The following PPP3CA variants were observed in gnomAD, a reference collection of about 807,000 sequenced individuals.
PPP3CA encodes the protein protein phosphatase 3 catalytic subunit alpha.
A neutral mutation model predicts 66.5 loss-of-function variants in PPP3CA; 14 were observed. The ratio of observed to expected loss-of-function variants is 0.21; its 90% CI spans 0.14 to 0.33. The LOEUF (loss-of-function observed/expected upper bound fraction) is 0.33. Among genes scored for constraint, PPP3CA ranks in the 10% least tolerant of loss-of-function variants. The pLI, the probability that PPP3CA is intolerant of heterozygous loss-of-function variation, is 1.00. For missense variants in PPP3CA, 317 were observed against 639.5 expected (o/e 0.50, Z 5.44); for synonymous variants, 232 against 226.2 (o/e 1.03, Z -0.23).
At chr4:101,263,254 A>G (rs1727062114) in intron 1 of PPP3CA, among the ~76,000 whole-genome samples, 1 of 152,202 alleles carries the variant, frequency 6.6e-6, no homozygotes, top group African/African-American at 2.4e-5. Flanking sequence ...TGACTAGTCC[A>G]GTGACCCTTT....
intron 2 of PPP3CA, among the ~76,000 whole-genome samples, chr4:101,163,774 A>G (rs566056303): frequency 7.9e-5 from 12 of 152,042 alleles, no homozygotes; most frequent in Admixed American, 2.0e-4. Flanking sequence ...AAATAAGTAA[A>G]GCCAATTTTA....
chr4:101,026,760 G>C (rs2110201040), intron 13 of PPP3CA, among the ~76,000 whole-genome samples: 1 of 152,238 alleles, frequency 6.6e-6, no homozygotes, highest in South Asian at 2.1e-4. Flanking sequence ...AAGGTCACTA[G>C]GTAGAAATGT....
At chr4:101,275,488 T>G (rs918227886) in intron 1 of PPP3CA, among the ~76,000 whole-genome samples, 1 of 152,176 alleles carries the variant, frequency 6.6e-6, no homozygotes, top group Non-Finnish European at 1.5e-5. Flanking sequence ...GCATAAAAGA[T>G]ATAAGGCTAG....
intron 9 of PPP3CA, among the ~76,000 whole-genome samples, chr4:101,062,238 A>G (rs1403476438): frequency 6.6e-6 from 1 of 152,048 alleles, no homozygotes; most frequent in Non-Finnish European, 1.5e-5. Flanking sequence ...GAAAGTTGCA[A>G]TATGGAGTAG....
In PPP3CA at chr4:101,036,500, C is replaced by T. The variant is rs548444764; in HGVS notation, c.1241+3982G>A. On this transcript the variant is annotated intron_variant, in intron 11 of 13. Transcript: ENST00000394854. ...AATCTCGGCTCACTGCAAGCCCCGCCTCCGGGGTTTATGGCAGTCTCCTGC... is the reference window on the plus strand; with the variant it reads ...AATCTCGGCTCACTGCAAGCCCCGCTTCCGGGGTTTATGGCAGTCTCCTGC... 3.3e-5 allele frequency among the ~76,000 whole-genome samples: 5 copies of T among 152,264 alleles called. No homozygotes were observed. In the South Asian group the frequency reaches 6.2e-4, roughly 19 times the overall value.
At chr4:101,136,567 A>T (rs1373128198) in intron 2 of PPP3CA, among the ~76,000 whole-genome samples, 3 of 151,704 alleles carry the variant, frequency 2.0e-5, no homozygotes, top group Non-Finnish European at 4.4e-5. Context: ...TCATGAAGCA[A>T]TGTTTTTAAA....
chr4:101,105,086 T>A (rs1730600844), intron 3 of PPP3CA, among the ~76,000 whole-genome samples: 1 of 152,000 alleles, frequency 6.6e-6, no homozygotes, highest in Admixed American at 6.5e-5. Context: ...TTCAAATATC[T>A]AGATTAATTG....
chr4:101,162,572 G>A (rs4699105), intron 2 of PPP3CA, among the ~76,000 whole-genome samples: 1 of 75,342 alleles, frequency 1.3e-5, no homozygotes, highest in Admixed American at 1.2e-4. Flanking sequence ...AATAAATAAA[G>A]GGAAATGTAT....
intron 9 of PPP3CA, among the ~76,000 whole-genome samples, chr4:101,061,795 T>C (rs1218770090): frequency 2.0e-5 from 3 of 152,036 alleles, no homozygotes; most frequent in Non-Finnish European, 2.9e-5. Flanking sequence ...CATAAAAGTG[T>C]TGTACAGAGG....
At chr4:101,318,990 G>A (rs1235849548) in intron 1 of PPP3CA, among the ~76,000 whole-genome samples, 16 of 151,916 alleles carry the variant, frequency 1.1e-4, no homozygotes, top group Admixed American at 1.0e-3. Flanking sequence ...CTCAATGTAG[G>A]ATAGCTCCAT....
chr4:101,180,828 G>C (rs1210323567), intron 2 of PPP3CA, among the ~76,000 whole-genome samples: 2 of 152,064 alleles, frequency 1.3e-5, no homozygotes, highest in African/African-American at 4.8e-5. Flanking sequence ...GTGGCCAGGA[G>C]TTCAAGACCA....
At chr4:101,038,078 G>A (rs948723423) in intron 11 of PPP3CA, among the ~76,000 whole-genome samples, 3 of 152,296 alleles carry the variant, frequency 2.0e-5, no homozygotes, top group Admixed American at 2.0e-4. Flanking sequence ...CTGTGTCGAT[G>A]ATTGTCAAAT....
chr4:101,127,173 C>G (rs28517387), intron 2 of PPP3CA, among the ~76,000 whole-genome samples: 1 of 151,794 alleles, frequency 6.6e-6, no homozygotes, highest in African/African-American at 2.4e-5. Context: ...TTTGTTAGAT[C>G]TTCCACCTCA....
intron 1 of PPP3CA, among the ~76,000 whole-genome samples, chr4:101,292,590 C>T (rs1324404629): frequency 6.6e-6 from 1 of 152,160 alleles, no homozygotes; most frequent in African/African-American, 2.4e-5. Context: ...ATACAGAAGC[C>T]TCTATGCTTT....
intron 1 of PPP3CA, 74 bp from the exon 2 acceptor site, chr4:101,196,190 A>C: frequency 1.5e-6 from 2 of 1,312,458 alleles, no homozygotes; most frequent in Non-Finnish European, 2.1e-6. Flanking sequence ...ACCACCAAAT[A>C]TCCATCCTCA....
Position 101,196,007 on chromosome 4 carries a change from C to A in PPP3CA, c.168G>T (p.Leu56=), listed in dbSNP as rs74629169. ...TTATTCTCAATGCAACACTCTCTTC[C>A]AGCCTTCCCTCCTTCATAAGATGCG... The part of the protein sequence containing the change: ...LKAHLMKEGR[L]EESVALRIIT... The change falls in exon 2 of 14, where the codon CTG becomes CTT. Residue 56 remains leucine (L), a synonymous_variant. Transcript: ENST00000394854. 2 of 1,614,010 alleles carry A rather than the reference C, an allele frequency of 1.2e-6. No individual in the cohort carries two copies. The highest frequency in any genetic ancestry group is 4.5e-5 in the East Asian group (2 of 44,858).
At chr4:101,268,527 C>T (rs1727238118) in intron 1 of PPP3CA, among the ~76,000 whole-genome samples, 1 of 152,098 alleles carries the variant, frequency 6.6e-6, no homozygotes. Flanking sequence ...GTCTATACCA[C>T]TATAAAAACC....
chr4:101,089,121 A>G (rs1729800008), intron 6 of PPP3CA, among the ~76,000 whole-genome samples: 2 of 152,194 alleles, frequency 1.3e-5, no homozygotes, highest in African/African-American at 2.4e-5. Context: ...TCAGGAAAAG[A>G]GATGAAGCGG....
intron 1 of PPP3CA, among the ~76,000 whole-genome samples, chr4:101,344,462 A>G (rs980356442): frequency 3.3e-5 from 5 of 152,212 alleles, no homozygotes; most frequent in African/African-American, 1.2e-4. Context: ...TTCATCAACA[A>G]AACTTCTATA....
Sources: allele counts gnomAD v4.1 joint callset (sites outside exome capture counted in the v4.1 genomes callset), GRCh38; gene constraint gnomAD v4.1.1; transcripts MANE v1.5; gene names NCBI Gene and HGNC (gene_info 2026-07-23, HGNC 2026-07-21).